GPC6: variants seen among roughly 807,000 people sequenced by gnomAD.
GPC6 encodes the protein glypican 6.
GPC6 carries 14 observed loss-of-function variants against 55.2 expected under a neutral mutation model. The ratio of observed to expected loss-of-function variants is 0.25; its 90% CI spans 0.17 to 0.40. The LOEUF (loss-of-function observed/expected upper bound fraction) is 0.40. Ranked by LOEUF, GPC6 falls within the 10% of genes least tolerant of loss-of-function variation. The pLI is 1.00. For missense variants in GPC6, 641 were observed against 708.5 expected (o/e 0.90, Z 1.08); for synonymous variants, 278 against 259.6 (o/e 1.07, Z -0.68).
At chr13:93,386,507 A>G (rs569127960) in intron 1 of GPC6, among the ~76,000 whole-genome samples, 3 of 152,300 alleles carry the variant, frequency 2.0e-5, no homozygotes, top group South Asian at 2.1e-4. Flanking sequence ...TGCAGGAAAC[A>G]TTGTTAAATC....
intron 3 of GPC6, among the ~76,000 whole-genome samples, chr13:93,879,971 T>G (rs1028594875): frequency 6.6e-6 from 1 of 150,752 alleles, no homozygotes; most frequent in South Asian, 2.1e-4. Flanking sequence ...AAAATGCTCA[T>G]CATCACTGGC....
In GPC6 at chr13:94,110,312, G is replaced by A. The variant is rs140639814; in HGVS notation, c.877+82418G>A. Among the ~76,000 whole-genome samples, 95 of 152,140 alleles carry A rather than the reference G, an allele frequency of 6.2e-4. No homozygotes were observed. In the East Asian group the frequency reaches 0.013, roughly 21 times the overall value. ...ATAGAAAACCATGACTTCCAGGAGA[G>A]GCATGTAGAATTATGGAGTACTCAG... On this transcript the variant is annotated intron_variant, in intron 4 of 8. Transcript: ENST00000377047.
intron 1 of GPC6, among the ~76,000 whole-genome samples, chr13:93,538,493 T>G (rs910022291): frequency 3.3e-5 from 5 of 152,138 alleles, no homozygotes; most frequent in African/African-American, 1.2e-4. Flanking sequence ...ATAATTTAAA[T>G]CACTGACAAT....
intron 2 of GPC6, among the ~76,000 whole-genome samples, chr13:93,559,181 T>C (rs1269756463): frequency 4.6e-5 from 7 of 152,172 alleles, no homozygotes; most frequent in Admixed American, 4.6e-4. Context: ...TAAGTTGATA[T>C]CTCTCAGAAG....
At chr13:93,997,666 G>A (rs2140421493) in intron 3 of GPC6, among the ~76,000 whole-genome samples, 1 of 152,090 alleles carries the variant, frequency 6.6e-6, no homozygotes, top group Admixed American at 6.6e-5. Flanking sequence ...TTTTGATAAA[G>A]GAAGATGGAG....
intron 2 of GPC6, among the ~76,000 whole-genome samples, chr13:93,744,528 CTTTTTTTTT>C (rs71736430): frequency 3.6e-4 from 35 of 97,232 alleles, no homozygotes; most frequent in South Asian, 9.1e-4. Flanking sequence ...TTTCCCTAGT[CTTTTTTTTT>C]TTTTTTTTTT....
chr13:93,454,569 GTGTT>G (rs1878364900), intron 1 of GPC6, among the ~76,000 whole-genome samples: 3 of 151,500 alleles, frequency 2.0e-5, no homozygotes, highest in African/African-American at 7.3e-5. Flanking sequence ...GCTGAGTGGT[GTGTT>G]TACAAACCTT....
intron 4 of GPC6, chr13:94,154,536 C>G (rs1187235055): frequency 6.6e-6 from 1 of 152,190 alleles, no homozygotes; most frequent in Non-Finnish European, 1.5e-5. Context: ...TACCATGTGA[C>G]TGCAACTGAA....
At chr13:93,823,586 G>A (rs770689406) in intron 2 of GPC6, among the ~76,000 whole-genome samples, 7 of 152,126 alleles carry the variant, frequency 4.6e-5, no homozygotes, top group Non-Finnish European at 1.0e-4. Flanking sequence ...ATCATTCACT[G>A]TTTCAAATCC....
At chr13:94,148,892 A>G (rs1448992488) in intron 4 of GPC6, among the ~76,000 whole-genome samples, 1 of 152,144 alleles carries the variant, frequency 6.6e-6, no homozygotes, top group East Asian at 1.9e-4. Flanking sequence ...GATAAAATAT[A>G]TTTAATGTTT....
intron 4 of GPC6, among the ~76,000 whole-genome samples, chr13:94,134,681 A>T (rs1887120378): frequency 6.6e-6 from 1 of 152,188 alleles, no homozygotes; most frequent in African/African-American, 2.4e-5. Context: ...AAACATATTC[A>T]TCATCTTAGC....
At chr13:93,346,169 G>A (rs1469210037) in intron 1 of GPC6, among the ~76,000 whole-genome samples, 2 of 151,866 alleles carry the variant, frequency 1.3e-5, no homozygotes, top group African/African-American at 4.8e-5. Flanking sequence ...TTTTCATTAA[G>A]TTTTAAAGAG....
At chr13:93,612,121 C>CA (rs112909687) in intron 2 of GPC6, among the ~76,000 whole-genome samples, 1 of 152,034 alleles carries the variant, frequency 6.6e-6, no homozygotes, top group Non-Finnish European at 1.5e-5. Flanking sequence ...TAATACCTCC[C>CA]AAAAAATAAA....
At chr13:94,147,295 T>C (rs536345763) in intron 4 of GPC6, among the ~76,000 whole-genome samples, 51 of 152,286 alleles carry the variant, frequency 3.3e-4, no homozygotes, top group South Asian at 1.7e-3. Context: ...TTGCTTTTCC[T>C]GTCACCTCTG....
chr13:93,539,778 G>A (rs1266592827), intron 1 of GPC6, among the ~76,000 whole-genome samples: 1 of 150,774 alleles, frequency 6.6e-6, no homozygotes, highest in Non-Finnish European at 1.5e-5. Context: ...TGCAGCCTCA[G>A]CCTCCCAGGT....
intron 4 of GPC6, among the ~76,000 whole-genome samples, chr13:94,076,483 T>A (rs1468950611): frequency 6.6e-6 from 1 of 151,998 alleles, no homozygotes; most frequent in Non-Finnish European, 1.5e-5. Context: ...AACTTTTAGT[T>A]TGATGTAGTT....
chr13:93,783,185 G>A (rs549734240), intron 2 of GPC6, among the ~76,000 whole-genome samples: 9 of 152,282 alleles, frequency 5.9e-5, no homozygotes, highest in South Asian at 2.1e-4. Flanking sequence ...ATTCCATGGT[G>A]TATACACACA....
At chr13:93,976,790 C>A (rs1234094019) in intron 3 of GPC6, among the ~76,000 whole-genome samples, 1 of 151,760 alleles carries the variant, frequency 6.6e-6, no homozygotes, top group East Asian at 2.0e-4. Context: ...AGGACAGCCA[C>A]CTGCAGGCTT....
chr13:93,619,365 G>C (rs1878857566), intron 2 of GPC6, among the ~76,000 whole-genome samples: 1 of 152,078 alleles, frequency 6.6e-6, no homozygotes, highest in Non-Finnish European at 1.5e-5. Context: ...AAATAAAAGG[G>C]AACTGTTTCA....
Sources: gnomAD v4.1 joint callset for allele counts (sites outside exome capture counted in the v4.1 genomes callset) on GRCh38, gnomAD v4.1.1 for gene constraint, MANE v1.5 for transcripts, NCBI Gene and HGNC (gene_info 2026-07-23, HGNC 2026-07-21) for gene names.